USP18: variants seen among roughly 807,000 people sequenced by gnomAD.
USP18 encodes ubiquitin specific peptidase 18.
USP18 carries 11 observed loss-of-function variants against 48.7 expected under a neutral mutation model. The observed-to-expected ratio is 0.23, with a 90% confidence interval of 0.14 to 0.37. USP18 has a LOEUF of 0.37. Ranked by LOEUF, USP18 falls within the 10% of genes least tolerant of loss-of-function variation. USP18 has a pLI of 1.00. For missense variants in USP18, 285 were observed against 436.4 expected (o/e 0.65, Z 3.09); for synonymous variants, 114 against 163.2 (o/e 0.70, Z 2.30).
In USP18 at chr22:18,167,249, G is replaced by A; in HGVS notation, c.401-6G>A. On this transcript the variant is annotated splice_polypyrimidine_tract_variant and splice_region_variant and intron_variant, in intron 4 of 10. Transcript: ENST00000215794. ...CTAATTGGCTGTTCCTTTTCTCTGTGGCCAGTGTTTGTCCAACATGATGCT... is the reference window on the plus strand; with the variant it reads ...CTAATTGGCTGTTCCTTTTCTCTGTAGCCAGTGTTTGTCCAACATGATGCT... 1 of 1,613,376 alleles carries A rather than the reference G, an allele frequency of 6.2e-7. No individual in the cohort carries two copies.
rs184531393 is a variant in USP18, at chr22:18,173,974, C to T, written c.1073+132C>T. ...CTGTCCGCCTCATCTCCAGCACTCA[C>T]CCCACCACCCCATGTTTGCCTCACA... On this transcript the variant is annotated intron_variant, in intron 10 of 10. Transcript: ENST00000215794. The T allele has an allele frequency of 5.6e-6, 7 of 1,254,362 alleles. No homozygotes were observed. The East Asian group carries it at 1.5e-4, about 27-fold the overall frequency. The allele number at this position is 1,254,362 out of a possible 1,614,324, so 77.7% of individuals were successfully genotyped here.
Position 18,160,233 on chromosome 22 carries a change from C to T in USP18, c.219C>T (p.Phe73=), listed in dbSNP as rs138144879. 1.0e-3 allele frequency: 1,664 copies of T among 1,614,126 alleles called. 1 individual carries two copies. Among genetic ancestry groups the T allele is most frequent in the Non-Finnish European group, 1.1e-3 (1,258 of 1,179,990 alleles). Residue 73 remains phenylalanine, a synonymous_variant, in exon 3 of 11, where the codon TTC becomes TTT. Transcript: ENST00000215794. Reference sequence around the variant, plus strand: ...GCCTTAACTCCTTGATTCAGGTGTTCGTAATGAATGTGGACTTCACCAGGA... The same window carrying T: ...GCCTTAACTCCTTGATTCAGGTGTTTGTAATGAATGTGGACTTCACCAGGA... The part of the protein sequence containing the change: ...TCCLNSLIQV[F]VMNVDFTRIL...
intron 1 of USP18, among the ~76,000 whole-genome samples, chr22:18,150,989 T>TCA (rs1463890553): frequency 9.9e-5 from 15 of 152,210 alleles, no homozygotes; most frequent in Admixed American, 9.8e-4. Context: ...GTATGGGAAG[T>TCA]ACATTGTTTA....
chr22:18,173,118 G>C (rs766340467), intron 8 of USP18, 32 bp from the exon 9 acceptor site: 18 of 1,602,088 alleles, frequency 1.1e-5, no homozygotes. Context: ...TTGTGGTGGT[G>C]GGTGAACTGT....
Position 18,169,460 on chromosome 22 carries a change from C to T in USP18, c.628-384C>T, listed in dbSNP as rs151047950. ...GGCGTGGTGGCGCAGCCTGTAGTCC[C>T]AGCTACTTAGGAGGCTGAGGCAGGA... On this transcript the variant is annotated intron_variant, in intron 6 of 10. Coordinates refer to ENST00000215794, the MANE Select transcript of USP18 (RefSeq NM_017414.4). 3.3e-4 allele frequency among the ~76,000 whole-genome samples: 51 copies of T among 152,336 alleles called. No homozygotes were observed. In the South Asian group the frequency reaches 4.6e-3, roughly 14 times the overall value.
chr22:18,156,748 C>T (rs532129458), intron 1 of USP18, among the ~76,000 whole-genome samples: 1 of 152,368 alleles, frequency 6.6e-6, no homozygotes, highest in East Asian at 1.9e-4. Context: ...ACTCCGAACA[C>T]ATCCGAACAT....
At chr22:18,156,766 A>C (rs770408344) in intron 1 of USP18, among the ~76,000 whole-genome samples, 4 of 152,234 alleles carry the variant, frequency 2.6e-5, no homozygotes, top group Non-Finnish European at 4.4e-5. Context: ...CATCAGAAGG[A>C]ATAAACTGCG....
rs752812952 is a variant in USP18, at chr22:18,173,184, C to A, written c.926C>A (p.Ala309Glu). ...GGQYELFAVI[A>E]HVGMADSGHY... ...CAGTATGAGCTTTTTGCTGTGATTGCGCACGTGGGAATGGCAGACTCCGGT... is the reference window on the plus strand; with the variant it reads ...CAGTATGAGCTTTTTGCTGTGATTGAGCACGTGGGAATGGCAGACTCCGGT... The change falls in exon 9 of 11, where the codon GCG becomes GAG. Residue 309 changes from alanine (A) to glutamate (E), a missense_variant. Physicochemically the swap from Ala to Glu is moderately radical, Grantham distance 107 (BLOSUM62 -1). Around this residue, in one of 5 missense-constraint regions of USP18, gnomAD observed 44 missense variants for 64.4 expected, o/e 0.68. Transcript: ENST00000215794. The A allele has an allele frequency of 1.2e-6, 2 of 1,609,050 alleles. No individual in the cohort carries two copies. The highest frequency in any genetic ancestry group is 1.7e-6 in the Non-Finnish European group (2 of 1,177,520).
In USP18 at chr22:18,157,911, G is replaced by C. The variant is rs1187497406; in HGVS notation, c.157+91G>C. Reference sequence around the variant, plus strand: ...TCTGAAGCCGCAGAGCTTTGTATTCGACGGCTCATGCTTTCCTGTGCCTGA... The same window carrying C: ...TCTGAAGCCGCAGAGCTTTGTATTCCACGGCTCATGCTTTCCTGTGCCTGA... On this transcript the variant is annotated intron_variant, in intron 2 of 10. Coordinates refer to ENST00000215794, the MANE Select transcript of USP18 (RefSeq NM_017414.4). The C allele has an allele frequency of 1.1e-5, 16 of 1,520,390 alleles. No individual in the cohort carries two copies. In the East Asian group the frequency reaches 2.3e-4, roughly 22 times the overall value. 94.2% of individuals were successfully genotyped at this position (1,520,390 alleles called of 1,614,324 possible). A position where few individuals can be genotyped will look rare whatever the true frequency, so the allele number is the denominator to read the frequency against.
intron 1 of USP18, among the ~76,000 whole-genome samples, chr22:18,156,914 C>T (rs1415831191): frequency 1.3e-5 from 2 of 152,144 alleles, no homozygotes; most frequent in South Asian, 2.1e-4. Context: ...TCTTCTTCCC[C>T]CAAGCAAACA....
In USP18 at chr22:18,170,803, A is replaced by T; in HGVS notation, c.774A>T (p.Arg258=). 6.2e-7 allele frequency: 1 copy of T among 1,600,646 alleles called. No homozygotes were observed. The change falls in exon 8 of 11, where the codon CGA becomes CGT. Residue 258 remains arginine, a synonymous_variant. Transcript: ENST00000215794. ...LPQTLTIHLM[R]FSIRNSQTRK... is the part of the protein sequence containing the mutation. ...AGACCCTGACAATCCACCTCATGCG[A>T]TTCTCCATCAGGAATTCACAGACGA...
chr22:18,166,990 T>G (rs1043679406), intron 4 of USP18, among the ~76,000 whole-genome samples: 5 of 152,014 alleles, frequency 3.3e-5, no homozygotes, highest in Admixed American at 6.6e-5. Flanking sequence ...CCTCCCACCT[T>G]GGCCTCCCGA....
chr22:18,173,921 C>T, intron 10 of USP18, 79 bp downstream of exon 10: 2 of 1,495,162 alleles, frequency 1.3e-6, no homozygotes, highest in Non-Finnish European at 9.1e-7. Flanking sequence ...CCCATGGATT[C>T]CCCTGTTACT....
chr22:18,159,920 G>A (rs1451870732), intron 2 of USP18, among the ~76,000 whole-genome samples: 7 of 151,618 alleles, frequency 4.6e-5, no homozygotes, highest in Non-Finnish European at 4.4e-5. Flanking sequence ...CTCGTGATCT[G>A]CCCGCCTCGG....
At chr22:18,169,327 C>T (rs950093527) in intron 6 of USP18, among the ~76,000 whole-genome samples, 1 of 152,104 alleles carries the variant, frequency 6.6e-6, no homozygotes, top group African/African-American at 2.4e-5. Flanking sequence ...ATAATCCCAG[C>T]ACTTTGGGAG....
rs1239654956 is a variant in USP18 at position 18,164,484 on chromosome 22, C to G, written c.400+2549C>G. 2.0e-5 allele frequency among the ~76,000 whole-genome samples: 3 copies of G among 151,950 alleles called. No homozygotes were observed. In the East Asian group the frequency reaches 5.8e-4, roughly 29 times the overall value. ...GTGTGAAGTTAGAGACCTGATTTTA[C>G]CATACAGCAGGGGGTGGGAGAAGGC... On this transcript the variant is annotated intron_variant, in intron 4 of 10. Coordinates refer to ENST00000215794, the MANE Select transcript of USP18 (RefSeq NM_017414.4).
At chr22:18,151,455 T>C (rs1172943461) in intron 1 of USP18, among the ~76,000 whole-genome samples, 2 of 152,212 alleles carry the variant, frequency 1.3e-5, no homozygotes, top group Non-Finnish European at 2.9e-5. Flanking sequence ...AGGTTACCGA[T>C]GTGTTCGCAG....
Position 18,172,777 on chromosome 22 carries a change from C to A in USP18, c.892-373C>A, listed in dbSNP as rs916600811. Among the ~76,000 whole-genome samples, 4 of 150,838 alleles carry A rather than the reference C, an allele frequency of 2.7e-5. 1 individual carries two copies. The highest frequency in any genetic ancestry group is 9.8e-5 in the African/African-American group (4 of 40,886). On this transcript the variant is annotated intron_variant, in intron 8 of 10. Coordinates refer to ENST00000215794, the MANE Select transcript of USP18 (RefSeq NM_017414.4). ...TTGCCCTCTGTCTCCCCTCCCCCTACAAAAGACTTTTTTGGCTGGGTACGG... is the reference window on the plus strand; with the variant it reads ...TTGCCCTCTGTCTCCCCTCCCCCTAAAAAAGACTTTTTTGGCTGGGTACGG...
chr22:18,157,383 G>A (rs1169838827), intron 1 of USP18, among the ~76,000 whole-genome samples, 175 bp from the exon 2 acceptor site: 1 of 152,190 alleles, frequency 6.6e-6, no homozygotes, highest in Non-Finnish European at 1.5e-5. Context: ...GAAACGCCTG[G>A]GACCCAGGTT....
Sources: gnomAD v4.1 joint callset for allele counts (sites outside exome capture counted in the v4.1 genomes callset) on GRCh38, gnomAD v4.1.1 for gene constraint, gnomAD v4.1.1 regional missense constraint, MANE v1.5 for transcripts, NCBI Gene and HGNC (gene_info 2026-07-23, HGNC 2026-07-21) for gene names.